SNAP91: variants seen among roughly 807,000 people sequenced by gnomAD.
SNAP91 encodes the protein synaptosome associated protein 91, also known as clathrin coat assembly protein AP180.
Under a neutral mutation model 100.3 loss-of-function variants are expected in SNAP91, and 27 were observed. The ratio of observed to expected loss-of-function variants is 0.27; its 90% CI spans 0.20 to 0.37. The LOEUF (loss-of-function observed/expected upper bound fraction) is 0.37, where lower values mean the gene tolerates loss of function less well. SNAP91 is among the 10% of genes least tolerant of loss of function. The probability of loss-of-function intolerance (pLI) is 1.00; values close to 1 mark genes in which losing one functional copy is unlikely to be tolerated. For missense variants in SNAP91, 986 were observed against 1,123.7 expected (o/e 0.88, Z 1.75); for synonymous variants, 404 against 398.6 (o/e 1.01, Z -0.16).
chr6:83,660,621 A>C (rs188559765), intron 5 of SNAP91, among the ~76,000 whole-genome samples: 2 of 152,142 alleles, frequency 1.3e-5, no homozygotes, highest in East Asian at 3.9e-4. Flanking sequence ...TTCTGTTTCA[A>C]TGAGGTTTTC....
At chr6:83,637,695 G>A (rs771697940) in intron 8 of SNAP91, among the ~76,000 whole-genome samples, 15 of 152,220 alleles carry the variant, frequency 9.9e-5, no homozygotes, top group Non-Finnish European at 2.1e-4. Context: ...TCTCAGATGG[G>A]TCTTGTGAAG....
chr6:83,580,586 T>C lies in SNAP91; in HGVS notation c.2163A>G (p.Leu721=), dbSNP rs903520311. 2 of 1,608,264 alleles carry C rather than the reference T, an allele frequency of 1.2e-6. No homozygotes were observed. The highest frequency in any genetic ancestry group is 1.7e-6 in the Non-Finnish European group (2 of 1,178,270). The change falls in exon 24 of 30, where the codon CTA becomes CTG. Residue 721 remains leucine, a synonymous_variant. Coordinates refer to ENST00000369694, the MANE Select transcript of SNAP91 (RefSeq NM_001242792.2). The part of the protein sequence containing the change: ...SSFDPSVFDG[L]GDLLMPTMAP... ...CCATGGTTGGCATCAAAAGATCACC[T>C]AGACCATCAAACACTGGAAATCAAA...
intron 7 of SNAP91, among the ~76,000 whole-genome samples, chr6:83,645,883 C>G (rs934910196): frequency 6.6e-6 from 1 of 152,142 alleles, no homozygotes; most frequent in East Asian, 1.9e-4. Flanking sequence ...GTCTTCATAG[C>G]TTTGCCTTTT....
At chr6:83,574,113 T>C (rs1813714379) in intron 26 of SNAP91, among the ~76,000 whole-genome samples, 1 of 152,160 alleles carries the variant, frequency 6.6e-6, no homozygotes, top group African/African-American at 2.4e-5. Flanking sequence ...TTAAGAATTA[T>C]TTCAGGTAAC....
At chr6:83,572,563 T>C (rs1810231570) in intron 26 of SNAP91, among the ~76,000 whole-genome samples, 1 of 152,096 alleles carries the variant, frequency 6.6e-6, no homozygotes, top group African/African-American at 2.4e-5. Context: ...ACTTTTTTTT[T>C]CCTTTTTTTA....
chr6:83,610,706 A>C, intron 11 of SNAP91, 29 bp from the exon 12 acceptor site: 1 of 386,048 alleles, frequency 2.6e-6, no homozygotes. Flanking sequence ...AAAAATTAAA[A>C]CTGAATATAT....
intron 22 of SNAP91, among the ~76,000 whole-genome samples, chr6:83,584,660 G>A (rs145395485): frequency 8.5e-5 from 13 of 152,292 alleles, no homozygotes; most frequent in African/African-American, 3.1e-4. Context: ...TTTGATCCTA[G>A]AAAATCAGCA....
At chr6:83,576,772 C>T in intron 24 of SNAP91, among the ~76,000 whole-genome samples, 1 of 152,204 alleles carries the variant, frequency 6.6e-6, no homozygotes, top group East Asian at 1.9e-4. Flanking sequence ...TGCTGAGTCC[C>T]ATGTGTCCTT....
At chr6:83,693,900 T>C (rs1313258479) in intron 2 of SNAP91, among the ~76,000 whole-genome samples, 1 of 152,176 alleles carries the variant, frequency 6.6e-6, no homozygotes, top group East Asian at 1.9e-4. Context: ...AGACTAGGGA[T>C]AGCAAGTCTA....
At position 83,560,201 on chromosome 6, in the gene SNAP91, G is replaced by A; in HGVS notation, c.2534C>T (p.Ala845Val). The A allele has an allele frequency of 6.2e-7, 1 of 1,613,518 alleles. No homozygotes were observed. The highest frequency in any genetic ancestry group is 8.5e-7 in the Non-Finnish European group (1 of 1,179,544). Reference sequence around the variant, plus strand: ...AGGCATCATGGGCATGCCTGTCCCAGCAGGAGGCTGAGGAGGAAGAATGGA... The same window carrying A: ...AGGCATCATGGGCATGCCTGTCCCAACAGGAGGCTGAGGAGGAAGAATGGA... ...QPGAGFGMPP[A>V]GTGMPMMPQQ... Residue 845 changes from alanine (A) to valine (V), a missense_variant, in exon 28 of 30, where the codon GCT (alanine) becomes GTT (valine). Ala to Val is a moderately conservative substitution (Grantham distance 64, BLOSUM62 0). Coordinates refer to ENST00000369694, the MANE Select transcript of SNAP91 (RefSeq NM_001242792.2).
intron 2 of SNAP91, among the ~76,000 whole-genome samples, chr6:83,690,999 G>A (rs1433867083): frequency 6.6e-6 from 1 of 151,910 alleles, no homozygotes; most frequent in African/African-American, 2.4e-5. Flanking sequence ...CTCAAAAATG[G>A]TACCTCTAAG....
At chr6:83,619,525 A>G (rs1194768205) in intron 9 of SNAP91, among the ~76,000 whole-genome samples, 1 of 152,206 alleles carries the variant, frequency 6.6e-6, no homozygotes, top group East Asian at 1.9e-4. Context: ...GCTTGTTTTT[A>G]AAAATGTCAA....
At chr6:83,579,494 G>T (rs1157984343) in intron 24 of SNAP91, among the ~76,000 whole-genome samples, 6 of 152,164 alleles carry the variant, frequency 3.9e-5, no homozygotes, top group Admixed American at 1.3e-4. Flanking sequence ...CAAATTCACA[G>T]GTAAAGAAGT....
At chr6:83,616,319 C>A (rs185893545) in intron 10 of SNAP91, among the ~76,000 whole-genome samples, 1 of 151,964 alleles carries the variant, frequency 6.6e-6, no homozygotes, top group Admixed American at 6.6e-5. Context: ...AAGTTTCAGA[C>A]CTGCTGGAGA....
intron 2 of SNAP91, among the ~76,000 whole-genome samples, chr6:83,677,275 A>G (rs140405207): frequency 4.1e-4 from 62 of 152,304 alleles, no homozygotes; most frequent in Middle Eastern, 3.4e-3. Context: ...ATCACTGGCA[A>G]GCTATACCCC....
At chr6:83,595,518 T>C (rs1438393250) in intron 16 of SNAP91, among the ~76,000 whole-genome samples, 2 of 152,172 alleles carry the variant, frequency 1.3e-5, no homozygotes, top group Non-Finnish European at 2.9e-5. Context: ...TGAGCTTGCA[T>C]AGAGATGCTA....
intron 26 of SNAP91, 123 bp from the exon 27 acceptor site, chr6:83,561,070 T>C (rs1050492635): frequency 1.5e-6 from 1 of 667,706 alleles, no homozygotes; most frequent in African/African-American, 1.9e-5. Flanking sequence ...AAAGATGGGG[T>C]CTCACTGCAT....
At chr6:83,707,620 CA>C (rs761830662) in intron 2 of SNAP91, among the ~76,000 whole-genome samples, 177 bp downstream of exon 2, 1 of 151,594 alleles carries the variant, frequency 6.6e-6, no homozygotes, top group Non-Finnish European at 1.5e-5. Context: ...GCTCACAAGA[CA>C]AGGTTTCATG....
intron 22 of SNAP91, among the ~76,000 whole-genome samples, 182 bp downstream of exon 22, chr6:83,591,029 T>A (rs554733760): frequency 3.3e-5 from 5 of 152,316 alleles, no homozygotes; most frequent in Admixed American, 1.3e-4. Flanking sequence ...ATTGATCCTG[T>A]CACCCAAGTA....
Sources: gnomAD v4.1 joint callset for allele counts (sites outside exome capture counted in the v4.1 genomes callset) on GRCh38, gnomAD v4.1.1 for gene constraint, MANE v1.5 for transcripts, NCBI Gene and HGNC (gene_info 2026-07-23, HGNC 2026-07-21) for gene names.